TMEM120B: variants seen among roughly 807,000 people sequenced by gnomAD.
The protein encoded by TMEM120B is transmembrane protein 120B.
In TMEM120B, 31 loss-of-function variants were observed where a neutral mutation model predicts 55.5. The observed-to-expected ratio is 0.56, with a 90% CI of 0.42 to 0.75. TMEM120B has a LOEUF of 0.75. TMEM120B is among the 30% of genes least tolerant of loss of function. The pLI, the probability that TMEM120B is intolerant of heterozygous loss-of-function variation, is 0.00. For missense variants in TMEM120B, 399 were observed against 425.5 expected (o/e 0.94, Z 0.55); for synonymous variants, 203 against 176.3 (o/e 1.15, Z -1.20).
intron 1 of TMEM120B, among the ~76,000 whole-genome samples, chr12:121,730,088 G>A (rs915824339): frequency 2.7e-4 from 39 of 142,302 alleles, no homozygotes; most frequent in Admixed American, 1.4e-3. Context: ...GTGAAACCCC[G>A]TCTCTACTAA....
rs1415235206 is a variant in TMEM120B at position 121,780,057 on chromosome 12, TTTTA to T, written c.*4347_*4350del. On this transcript the variant is annotated 3_prime_UTR_variant, in exon 12 of 12. Transcript: ENST00000449592. ...ACCATTTAGGCAAATTAATTTGCCC[TTTTA>T]TTTATTTATTTTTGAGATGGAGTTT... 4 of 170,842 alleles carry T rather than the reference TTTTA, an allele frequency of 2.3e-5. No homozygotes were observed. Among genetic ancestry groups the T allele is most frequent in the Admixed American group, 5.7e-5 (1 of 17,392 alleles). The allele number at this position is 170,842 out of a possible 1,614,324, so 10.6% of individuals were successfully genotyped here. A position where few individuals can be genotyped will look rare whatever the true frequency, so the allele number is the denominator to read the frequency against.
intron 1 of TMEM120B, among the ~76,000 whole-genome samples, chr12:121,721,757 T>A (rs116953448): frequency 0.016 from 2,411 of 148,840 alleles, 30 homozygotes; most frequent in Non-Finnish European, 0.021. Context: ...CATAAGCCAC[T>A]GCATTCAGCC....
At position 121,748,415 on chromosome 12, in the gene TMEM120B, T is replaced by G; in HGVS notation, c.278T>G (p.Met93Arg). The G allele has an allele frequency of 8.1e-6, 13 of 1,610,136 alleles. No individual in the cohort carries two copies. The highest frequency in any genetic ancestry group is 1.1e-5 in the Non-Finnish European group (13 of 1,178,170). ...GAGCGGCAGGACGTCTTCTTCGACA[T>G]GGAGGCCTACCTGCCCAAGAAGAAC... is the stretch of plus-strand genomic sequence containing the variant. Reference protein sequence around the residue: ...IKERQDVFFDMEAYLPKKNGL... With the variant: ...IKERQDVFFDREAYLPKKNGL... The change falls in exon 3 of 12, where the codon ATG becomes AGG. Residue 93 changes from methionine to arginine, a missense_variant. Transcript: ENST00000449592.
chr12:121,781,001 G>A lies in TMEM120B; in HGVS notation c.*5279G>A. 6.2e-7 allele frequency: 1 copy of A among 1,613,734 alleles called. No homozygotes were observed. Among genetic ancestry groups the A allele is most frequent in the Non-Finnish European group, 8.5e-7 (1 of 1,179,714 alleles). On this transcript the variant is annotated 3_prime_UTR_variant, in exon 12 of 12. Transcript: ENST00000449592. ...CGCGGCAGAAATGCGTGACCTCAGG[G>A]AACCACTGTGGAGGGAGGAGGCGGG... is the stretch of plus-strand genomic sequence containing the variant.
chr12:121,732,731 G>A (rs1291004530), intron 1 of TMEM120B, among the ~76,000 whole-genome samples: 2 of 152,124 alleles, frequency 1.3e-5, no homozygotes, highest in African/African-American at 4.8e-5. Flanking sequence ...TGTAATCCCA[G>A]CACTTTGGGA....
chr12:121,728,870 C>T (rs192516638), intron 1 of TMEM120B, among the ~76,000 whole-genome samples: 74 of 152,312 alleles, frequency 4.9e-4, no homozygotes, highest in African/African-American at 1.7e-3. Flanking sequence ...AGCTCTGGGT[C>T]CCCATCTTGC....
intron 1 of TMEM120B, among the ~76,000 whole-genome samples, chr12:121,714,329 T>G (rs935435078): frequency 7.2e-5 from 11 of 152,144 alleles, no homozygotes; most frequent in Non-Finnish European, 1.2e-4. Flanking sequence ...TGATCTCGGC[T>G]TACTACAGCC....
intron 2 of TMEM120B, among the ~76,000 whole-genome samples, chr12:121,746,490 G>A (rs1168020957): frequency 6.6e-6 from 1 of 151,968 alleles, no homozygotes; most frequent in African/African-American, 2.4e-5. Flanking sequence ...CCCGGCCTTG[G>A]TTGTTTTCTT....
chr12:121,780,832 A>G lies in TMEM120B; in HGVS notation c.*5110A>G, dbSNP rs1592955154. On this transcript the variant is annotated 3_prime_UTR_variant, in exon 12 of 12. Transcript: ENST00000449592. The stretch of plus-strand genomic sequence containing the variant: ...AGAGGCCAAAGGTCCGGGAGGCTTC[A>G]CAGCCACGGCTGTGCCCCAGGGTCT... 1 of 1,591,716 alleles carries G rather than the reference A, an allele frequency of 6.3e-7. No individual in the cohort carries two copies. The highest frequency in any genetic ancestry group is 1.3e-5 in the African/African-American group (1 of 74,234).
intron 1 of TMEM120B, among the ~76,000 whole-genome samples, chr12:121,730,659 A>AAC (rs1325685205): frequency 6.8e-6 from 1 of 147,596 alleles, no homozygotes; most frequent in African/African-American, 2.5e-5. Context: ...AAAAAAAAAA[A>AAC]AAAACAAACA....
chr12:121,744,052 C>CT lies in TMEM120B; in HGVS notation c.188+324dup, dbSNP rs535863726. Among the ~76,000 whole-genome samples, 1,263 of 138,018 alleles carry CT rather than the reference C, an allele frequency of 9.2e-3. 14 individuals are homozygous for CT. Among genetic ancestry groups the CT allele is most frequent in the Admixed American group, 0.017 (230 of 13,630 alleles). 90.5% of individuals were successfully genotyped at this position (138,018 alleles called of 152,430 possible). A position where few individuals can be genotyped will look rare whatever the true frequency, so the allele number is the denominator to read the frequency against. On this transcript the variant is annotated intron_variant, in intron 2 of 11. Coordinates refer to ENST00000449592, the MANE Select transcript of TMEM120B (RefSeq NM_001080825.2). The stretch of plus-strand genomic sequence containing the variant: ...ACCCTGGCTGAAGGAGAGTGTCTCT[C>CT]TTTTTTTTTTTTTTTTTTTCTTGAA...
chr12:121,760,412 T>C (rs1873637902), intron 5 of TMEM120B, among the ~76,000 whole-genome samples: 3 of 151,822 alleles, frequency 2.0e-5, no homozygotes, highest in South Asian at 2.1e-4. Context: ...CTTCCGGGGG[T>C]CTGGTGACCC....
At position 121,752,144 on chromosome 12, in the gene TMEM120B, G is replaced by C; in HGVS notation, c.382G>C (p.Glu128Gln). 1 of 1,613,428 alleles carries C rather than the reference G, an allele frequency of 6.2e-7. No homozygotes were observed. Among genetic ancestry groups the C allele is most frequent in the Non-Finnish European group, 8.5e-7 (1 of 1,179,866 alleles). The change falls in exon 5 of 12, where the codon GAA becomes CAA. Residue 128 changes from glutamate to glutamine, a missense_variant. Physicochemically the swap from Glu to Gln is conservative, Grantham distance 29 (BLOSUM62 2). Coordinates refer to ENST00000449592, the MANE Select transcript of TMEM120B (RefSeq NM_001080825.2). ...TCGTGGCAGGTTCGCCTACAAGGAC[G>C]AATATGAGAAGTTCAAGCTCTACCT... Reference protein sequence around the residue: ...SNQAKFAYKDEYEKFKLYLTI... With the variant: ...SNQAKFAYKDQYEKFKLYLTI...
intron 4 of TMEM120B, among the ~76,000 whole-genome samples, chr12:121,750,912 AC>A (rs200030061): frequency 2.0e-4 from 9 of 45,306 alleles, no homozygotes; most frequent in Non-Finnish European, 2.9e-4. Flanking sequence ...CACACCCCAC[AC>A]CCCACACCCA....
chr12:121,713,756 G>C (rs897142584), intron 1 of TMEM120B, among the ~76,000 whole-genome samples: 1 of 152,134 alleles, frequency 6.6e-6, no homozygotes, highest in Non-Finnish European at 1.5e-5. Context: ...CTACCGTGTT[G>C]ACTAGAGACG....
intron 1 of TMEM120B, among the ~76,000 whole-genome samples, chr12:121,735,430 T>C (rs1311484704): frequency 6.6e-6 from 1 of 151,832 alleles, no homozygotes; most frequent in Non-Finnish European, 1.5e-5. Context: ...GACAGAGTCT[T>C]GCTCTGTTGC....
Position 121,781,548 on chromosome 12 carries a change from T to A in TMEM120B, c.*5826T>A. On this transcript the variant is annotated 3_prime_UTR_variant, in exon 12 of 12. Coordinates refer to ENST00000449592, the MANE Select transcript of TMEM120B (RefSeq NM_001080825.2). ...AATCCTCAAGATCAAACCCACGCAG[T>A]GCTGAGAGCTTGGCCTGATTCTAGG... 2.3e-5 allele frequency: 6 copies of A among 256,500 alleles called. No individual in the cohort carries two copies. In the South Asian group the frequency reaches 2.6e-4, roughly 11 times the overall value. 15.9% of individuals were successfully genotyped at this position (256,500 alleles called of 1,614,324 possible).
chr12:121,775,653 C>T lies in TMEM120B; in HGVS notation c.951C>T (p.Asn317=), dbSNP rs764471182. Residue 317 remains asparagine, a synonymous_variant, in exon 12 of 12, where the codon AAC becomes AAT. Coordinates refer to ENST00000449592, the MANE Select transcript of TMEM120B (RefSeq NM_001080825.2). This position sits in a 1 kb window ranked among gnomAD's most constrained non-coding sequence, Gnocchi z 4.3. The part of the protein sequence containing the change: ...AFTFLILFLG[N]FLTTLKVVHA... ...CCTTCCTCATCCTCTTCCTCGGCAACTTCCTGACCACGCTCAAAGTCGTGC... is the reference window on the plus strand; with the variant it reads ...CCTTCCTCATCCTCTTCCTCGGCAATTTCCTGACCACGCTCAAAGTCGTGC... 3 of 1,614,066 alleles carry T rather than the reference C, an allele frequency of 1.9e-6. No individual in the cohort carries two copies. The East Asian group carries it at 6.7e-5, about 36-fold the overall frequency.
chr12:121,729,534 G>C (rs1378018024), intron 1 of TMEM120B, among the ~76,000 whole-genome samples: 1 of 152,118 alleles, frequency 6.6e-6, no homozygotes, highest in Non-Finnish European at 1.5e-5. Context: ...GGTGGGATGT[G>C]GTGGCTCACA....
Sources: allele counts gnomAD v4.1 joint callset (sites outside exome capture counted in the v4.1 genomes callset), GRCh38; gene constraint gnomAD v4.1.1; non-coding constraint Gnocchi (gnomAD v3.1); transcripts MANE v1.5; gene names NCBI Gene and HGNC (gene_info 2026-07-23, HGNC 2026-07-21).